CRISP1: variants seen among roughly 807,000 people sequenced by gnomAD.
CRISP1 encodes cysteine-rich secretory protein 1.
Under a neutral mutation model 33.1 loss-of-function variants are expected in CRISP1, and 44 were observed. The observed-to-expected ratio is 1.33, with a 90% CI of 1.05 to 1.71. The LOEUF is 1.71. CRISP1 is among the 40% of genes most tolerant of loss of function. The pLI is 0.00. For missense variants in CRISP1, 390 were observed against 301.2 expected (o/e 1.29, Z -2.18); for synonymous variants, 103 against 98.7 (o/e 1.04, Z -0.26).
At chr6:49,857,200 G>A in intron 2 of CRISP1, 135 bp downstream of exon 2, 2 of 727,778 alleles carry the variant, frequency 2.7e-6, no homozygotes, top group South Asian at 1.8e-5. Flanking sequence ...TTGCCTAACA[G>A]GGCTATTGTG....
chr6:49,861,915 G>A (rs1189988714), intron 1 of CRISP1, among the ~76,000 whole-genome samples: 1 of 151,750 alleles, frequency 6.6e-6, no homozygotes, highest in Non-Finnish European at 1.5e-5. Flanking sequence ...ACATAATAAA[G>A]GCCATATATG....
intron 2 of CRISP1, among the ~76,000 whole-genome samples, chr6:49,853,714 CTT>C (rs1288078335): frequency 6.6e-6 from 1 of 152,120 alleles, no homozygotes. Context: ...CTAGCCCTCT[CTT>C]GTCTTTCCTT....
intron 1 of CRISP1, among the ~76,000 whole-genome samples, chr6:49,865,651 G>A (rs1376191078): frequency 6.6e-6 from 1 of 152,122 alleles, no homozygotes; most frequent in African/African-American, 2.4e-5. Context: ...ATAATTCAGA[G>A]AGTACAAAGC....
At chr6:49,835,894 T>A (rs1250272127) in intron 7 of CRISP1, among the ~76,000 whole-genome samples, 1 of 152,214 alleles carries the variant, frequency 6.6e-6, no homozygotes, top group Non-Finnish European at 1.5e-5. Flanking sequence ...ATGGCATATA[T>A]AATCTCTCCA....
intron 6 of CRISP1, among the ~76,000 whole-genome samples, chr6:49,839,680 CA>C (rs1770920696): frequency 6.6e-6 from 1 of 152,114 alleles, no homozygotes; most frequent in South Asian, 2.1e-4. Flanking sequence ...AATCTTCAAC[CA>C]AGAAAATTCC....
chr6:49,873,227 T>A (rs1033802287), intron 1 of CRISP1, among the ~76,000 whole-genome samples: 4 of 151,940 alleles, frequency 2.6e-5, no homozygotes, highest in African/African-American at 9.7e-5. Flanking sequence ...AAAACCTAAT[T>A]GTTCAAGGAT....
intron 2 of CRISP1, among the ~76,000 whole-genome samples, chr6:49,855,229 TC>T (rs959713124): frequency 1.3e-5 from 2 of 152,134 alleles, no homozygotes; most frequent in African/African-American, 4.8e-5. Context: ...GTCTATAGCC[TC>T]TCTCCCACTC....
In CRISP1 at chr6:49,872,616, T is replaced by C. The variant is rs550459038; in HGVS notation, c.-3+4393A>G. 4.3e-4 allele frequency among the ~76,000 whole-genome samples: 65 copies of C among 152,242 alleles called. 1 individual carries two copies. The South Asian group carries it at 0.013, about 30-fold the overall frequency. ...AGGGATCCAGTTTCAGCTTTCTACA[T>C]ATGGCTAGCCAGTTTTCCCAGCACC... On this transcript the variant is annotated intron_variant, in intron 1 of 7. Coordinates refer to the CRISP1 transcript ENST00000505118.
At chr6:49,858,103 C>T (rs897609261) in intron 1 of CRISP1, among the ~76,000 whole-genome samples, 2 of 152,110 alleles carry the variant, frequency 1.3e-5, no homozygotes, top group South Asian at 2.1e-4. Context: ...TTAAACTCTC[C>T]GTCAGCTACA....
intron 5 of CRISP1, among the ~76,000 whole-genome samples, chr6:49,845,848 T>G (rs1771148383): frequency 6.6e-6 from 1 of 152,150 alleles, no homozygotes; most frequent in Admixed American, 6.5e-5. Flanking sequence ...AACATGGATT[T>G]AATATATCAT....
intron 4 of CRISP1, 97 bp from the exon 5 acceptor site, chr6:49,846,765 T>C (rs1771188168): frequency 1.7e-6 from 2 of 1,174,390 alleles, no homozygotes; most frequent in African/African-American, 1.5e-5. Context: ...GGTTCACTGA[T>C]CATCTTGACA....
At chr6:49,847,909 G>A (rs567351107) in intron 4 of CRISP1, among the ~76,000 whole-genome samples, 1 of 152,122 alleles carries the variant, frequency 6.6e-6, no homozygotes, top group East Asian at 1.9e-4. Context: ...GGAGACCTAG[G>A]TTTCTAGCTG....
At chr6:49,876,018 A>G (rs2127480738) in intron 1 of CRISP1, among the ~76,000 whole-genome samples, 1 of 152,324 alleles carries the variant, frequency 6.6e-6, no homozygotes, top group African/African-American at 2.4e-5. Context: ...TGCCAAAAGC[A>G]ATTTCAATAA....
chr6:49,864,903 A>C (rs1288078529), intron 1 of CRISP1, among the ~76,000 whole-genome samples: 1 of 152,176 alleles, frequency 6.6e-6, no homozygotes, highest in Non-Finnish European at 1.5e-5. Flanking sequence ...TTCTAATTCA[A>C]ATAAATCTAG....
rs1162790468 is a variant in CRISP1, at chr6:49,860,979, C to T, written c.-2-3577G>A. ...ACAATCATGGATAACTATATACTAA[C>T]AACTGAAAATTTTAGAGAAAATGAA... On this transcript the variant is annotated intron_variant, in intron 1 of 7. Transcript: ENST00000335847. 7.2e-5 allele frequency among the ~76,000 whole-genome samples: 11 copies of T among 151,958 alleles called. No individual in the cohort carries two copies. The East Asian group carries it at 2.1e-3, about 29-fold the overall frequency.
intron 1 of CRISP1, among the ~76,000 whole-genome samples, chr6:49,866,154 T>C (rs573692163): frequency 6.6e-6 from 1 of 152,212 alleles, no homozygotes; most frequent in South Asian, 2.1e-4. Context: ...ATGGTAATTG[T>C]CCCTACGTGA....
At chr6:49,866,760 G>T (rs1771808621), upstream of CRISP1, among the ~76,000 whole-genome samples, 1 of 152,120 alleles carries the variant, frequency 6.6e-6, no homozygotes, top group African/African-American at 2.4e-5. Context: ...GCATGATTCA[G>T]CAGAGCCACA....
intron 2 of CRISP1, among the ~76,000 whole-genome samples, chr6:49,855,642 C>T (rs1440840198): frequency 6.6e-6 from 1 of 152,102 alleles, no homozygotes. Flanking sequence ...TCACAACTCT[C>T]TATAGTTTTC....
intron 5 of CRISP1, among the ~76,000 whole-genome samples, chr6:49,844,144 G>A (rs1329333171): frequency 6.6e-6 from 1 of 152,100 alleles, no homozygotes; most frequent in Non-Finnish European, 1.5e-5. Context: ...AAATGAGAAA[G>A]TATTTTCAAA....
Sources: allele counts gnomAD v4.1 joint callset (sites outside exome capture counted in the v4.1 genomes callset), GRCh38; gene constraint gnomAD v4.1.1; transcripts MANE v1.5; gene names NCBI Gene and HGNC (gene_info 2026-07-23, HGNC 2026-07-21).